SLC71A2: variants seen among roughly 807,000 people sequenced by gnomAD.
The protein encoded by SLC71A2 is solute carrier family 71 member 2, also known as hippocampus abundant transcript-like 1.
At chr9:94,382,168 A>G in the SLC71A2 span, among the ~76,000 whole-genome samples, 1 of 151,766 alleles carries the variant, frequency 6.6e-6, no homozygotes, top group South Asian at 2.1e-4. Context: ...CTGGGACTAC[A>G]GGCATATGCC....
At chr9:94,417,079 C>T in the SLC71A2 span, among the ~76,000 whole-genome samples, 1 of 151,968 alleles carries the variant, frequency 6.6e-6, no homozygotes. Context: ...CATAGTGCTG[C>T]CTGGGATATA....
At chr9:94,423,285 G>T in the SLC71A2 span, among the ~76,000 whole-genome samples, 1 of 144,784 alleles carries the variant, frequency 6.9e-6, no homozygotes, top group Non-Finnish European at 1.5e-5. Flanking sequence ...TTTTTTCAGG[G>T]TAGGCAGGAA....
At chr9:94,390,564 T>G in the SLC71A2 span, among the ~76,000 whole-genome samples, 2 of 152,048 alleles carry the variant, frequency 1.3e-5, no homozygotes, top group African/African-American at 4.8e-5. Context: ...TGAGCTCAGC[T>G]TAGGAAGATG....
At chr9:94,415,834 A>ATGTT in the SLC71A2 span, among the ~76,000 whole-genome samples, 1 of 152,206 alleles carries the variant, frequency 6.6e-6, no homozygotes, top group Non-Finnish European at 1.5e-5. Context: ...GGTTCATAAC[A>ATGTT]GGCCACGGAC....
At chr9:94,394,911 T>C in the SLC71A2 span, among the ~76,000 whole-genome samples, 3 of 74,680 alleles carry the variant, frequency 4.0e-5, no homozygotes, top group Non-Finnish European at 6.0e-5. Flanking sequence ...GCAGTACTTT[T>C]TTTGTTTTTT....
the SLC71A2 span, chr9:94,429,068 G>T: frequency 2.1e-6 from 3 of 1,409,522 alleles, no homozygotes; most frequent in Admixed American, 2.8e-5. Flanking sequence ...TTTGAATTTT[G>T]TTGATATTTT....
chr9:94,459,421 G>C, the SLC71A2 span: 1 of 1,613,056 alleles, frequency 6.2e-7, no homozygotes, highest in Non-Finnish European at 8.5e-7. Flanking sequence ...AAACTCGGCA[G>C]AAAGTGGGAT....
chr9:94,402,980 T>C, the SLC71A2 span, among the ~76,000 whole-genome samples: 2 of 152,284 alleles, frequency 1.3e-5, no homozygotes, highest in Non-Finnish European at 2.9e-5. Flanking sequence ...GTCTCTAGAA[T>C]TTTTTCATCA....
chr9:94,396,771 A>AT, the SLC71A2 span, among the ~76,000 whole-genome samples: 16 of 151,952 alleles, frequency 1.1e-4, no homozygotes, highest in African/African-American at 2.7e-4. Flanking sequence ...GCTCTAATAT[A>AT]TTTTTTTTCT....
At chr9:94,443,053 G>A in the SLC71A2 span, among the ~76,000 whole-genome samples, 1 of 152,080 alleles carries the variant, frequency 6.6e-6, no homozygotes, top group Non-Finnish European at 1.5e-5. Flanking sequence ...TTTGATTTTT[G>A]TTTCTCGCTT....
At chr9:94,388,362 C>T in the SLC71A2 span, among the ~76,000 whole-genome samples, 1 of 151,914 alleles carries the variant, frequency 6.6e-6, no homozygotes, top group Non-Finnish European at 1.5e-5. Flanking sequence ...TTAATGTACA[C>T]TAAAAAAAAG....
At chr9:94,444,897 G>GT in the SLC71A2 span, 1 of 1,482,558 alleles carries the variant, frequency 6.7e-7, no homozygotes, top group Non-Finnish European at 9.4e-7. Context: ...GCAGACCTGG[G>GT]TAAGGATATG....
the SLC71A2 span, among the ~76,000 whole-genome samples, chr9:94,455,478 G>A: frequency 6.5e-5 from 9 of 139,028 alleles, no homozygotes; most frequent in African/African-American, 2.4e-4. Context: ...GCCTCCCAAA[G>A]TGCTAGGATT....
chr9:94,456,168 C>A, the SLC71A2 span: 1 of 997,134 alleles, frequency 1.0e-6, no homozygotes, highest in Non-Finnish European at 1.5e-6. Context: ...ACTTTTGCCA[C>A]TGATTGCATT....
At chr9:94,456,822 G>A in the SLC71A2 span, among the ~76,000 whole-genome samples, 3 of 152,170 alleles carry the variant, frequency 2.0e-5, no homozygotes, top group Non-Finnish European at 4.4e-5. Flanking sequence ...AGTGAGAGAT[G>A]AAATTAAAAT....
At chr9:94,446,002 G>C in the SLC71A2 span, among the ~76,000 whole-genome samples, 1 of 152,196 alleles carries the variant, frequency 6.6e-6, no homozygotes, top group Admixed American at 6.5e-5. Flanking sequence ...CAGCCAGTTA[G>C]GCTTCCCACC....
At chr9:94,436,903 TAAG>T in the SLC71A2 span, among the ~76,000 whole-genome samples, 2 of 152,218 alleles carry the variant, frequency 1.3e-5, no homozygotes, top group African/African-American at 4.8e-5. Flanking sequence ...GGTACAGAGA[TAAG>T]AAGAAATGTC....
the SLC71A2 span, among the ~76,000 whole-genome samples, chr9:94,375,318 G>A: frequency 6.6e-6 from 1 of 151,780 alleles, no homozygotes; most frequent in Non-Finnish European, 1.5e-5. Context: ...GCAGATGCCG[G>A]GCAGCGCCTT....
the SLC71A2 span, chr9:94,375,057 G>C: frequency 1.8e-6 from 1 of 547,458 alleles, no homozygotes; most frequent in East Asian, 4.1e-5. Flanking sequence ...TTCTGGGGGG[G>C]GAGGCGAATT....
Sources: gnomAD v4.1 joint callset for allele counts (sites outside exome capture counted in the v4.1 genomes callset) on GRCh38, gnomAD v4.1.1 for gene constraint, MANE v1.5 for transcripts, NCBI Gene and HGNC (gene_info 2026-07-23, HGNC 2026-07-21) for gene names.